CRPPA: variants seen among roughly 807,000 people sequenced by gnomAD.
The protein encoded by CRPPA is CDP-L-ribitol pyrophosphorylase A.
A neutral mutation model predicts 52.0 loss-of-function variants in CRPPA; 43 were observed. The observed-to-expected ratio is 0.83, with a 90% confidence interval of 0.65 to 1.07. CRPPA has a LOEUF of 1.07. CRPPA is among the 50% of genes least tolerant of loss of function. The pLI is 0.00. For missense variants in CRPPA, 629 were observed against 551.7 expected, an observed-to-expected ratio of 1.14 and a Z score of -1.40; for synonymous variants, 250 against 203.5, an observed-to-expected ratio of 1.23 and a Z score of -1.94.
intron 3 of CRPPA, among the ~76,000 whole-genome samples, chr7:16,362,651 G>A (rs1372342561): frequency 6.6e-6 from 1 of 152,154 alleles, no homozygotes; most frequent in Middle Eastern, 3.2e-3. Flanking sequence ...AGGTATGAGA[G>A]AAAGTTATTA....
chr7:16,291,430 G>C (rs1356935735), intron 5 of CRPPA, among the ~76,000 whole-genome samples: 1 of 151,918 alleles, frequency 6.6e-6, no homozygotes, highest in Non-Finnish European at 1.5e-5. Context: ...TCTGTCATTT[G>C]CAGTAACATG....
At chr7:16,326,724 C>T (rs755713094) in intron 3 of CRPPA, among the ~76,000 whole-genome samples, 12 of 152,180 alleles carry the variant, frequency 7.9e-5, no homozygotes, top group Middle Eastern at 3.4e-3. Flanking sequence ...CTCTCTTTTT[C>T]GCCAATAACT....
At chr7:16,333,381 C>T (rs973994140) in intron 3 of CRPPA, among the ~76,000 whole-genome samples, 8 of 152,126 alleles carry the variant, frequency 5.3e-5, no homozygotes, top group African/African-American at 7.2e-5. Flanking sequence ...ATTAAAAACC[C>T]TTTAACAAGT....
At chr7:16,350,360 T>C (rs2128307678) in intron 3 of CRPPA, among the ~76,000 whole-genome samples, 1 of 152,202 alleles carries the variant, frequency 6.6e-6, no homozygotes, top group Non-Finnish European at 1.5e-5. Flanking sequence ...AATACGGTAA[T>C]GGCAATAAGT....
rs555650117 is a variant in CRPPA at position 16,104,895 on chromosome 7, A to G, written c.1252-13096T>C. On this transcript the variant is annotated intron_variant, in intron 9 of 9. Transcript: ENST00000407010. Reference sequence around the variant, plus strand: ...AGCCTGGGCAACAGAGTGAGACTCCATCTCAAAGAAAAAAAAAAAAGAAAA... The same window carrying G: ...AGCCTGGGCAACAGAGTGAGACTCCGTCTCAAAGAAAAAAAAAAAAGAAAA... Among the ~76,000 whole-genome samples, 64 of 147,978 alleles carry G rather than the reference A, an allele frequency of 4.3e-4. No homozygotes were observed. In the South Asian group the frequency reaches 0.013, roughly 29 times the overall value.
intron 9 of CRPPA, among the ~76,000 whole-genome samples, chr7:16,194,625 T>C (rs1262656680): frequency 6.6e-6 from 1 of 152,120 alleles, no homozygotes; most frequent in Non-Finnish European, 1.5e-5. Flanking sequence ...TGTATTATGT[T>C]TTATTTTGCT....
At chr7:16,255,927 G>A (rs1338213378) in intron 8 of CRPPA, among the ~76,000 whole-genome samples, 1 of 152,138 alleles carries the variant, frequency 6.6e-6, no homozygotes, top group African/African-American at 2.4e-5. Flanking sequence ...GGCAACAAAA[G>A]CCAAAATTGA....
At chr7:16,109,721 T>C (rs1387004174) in intron 9 of CRPPA, among the ~76,000 whole-genome samples, 1 of 151,968 alleles carries the variant, frequency 6.6e-6, no homozygotes, top group Non-Finnish European at 1.5e-5. Context: ...TATAATCTCA[T>C]CCAGATGCAA....
intron 3 of CRPPA, among the ~76,000 whole-genome samples, chr7:16,370,576 C>T (rs1467889137): frequency 6.6e-6 from 1 of 152,146 alleles, no homozygotes; most frequent in African/African-American, 2.4e-5. Context: ...GAGGGCACTA[C>T]ATCAAGGAAA....
chr7:16,133,996 A>G lies in CRPPA; in HGVS notation c.1252-42197T>C, dbSNP rs1042229248. ...GCCCAGGCTGGAGTGCAGTGGCGCA[A>G]TCTCGGCTCACTGTAAGCTCCGCTT... On this transcript the variant is annotated intron_variant, in intron 9 of 9. Coordinates refer to ENST00000407010, the MANE Select transcript of CRPPA (RefSeq NM_001101426.4). Among the ~76,000 whole-genome samples the G allele has an allele frequency of 1.6e-5, 2 of 123,446 alleles. 1 individual carries two copies. The highest frequency in any genetic ancestry group is 3.7e-5 in the Non-Finnish European group (2 of 54,330). 81.0% of individuals were successfully genotyped at this position (123,446 alleles called of 152,430 possible). A position where few individuals can be genotyped will look rare whatever the true frequency, so the allele number is the denominator to read the frequency against.
intron 9 of CRPPA, among the ~76,000 whole-genome samples, chr7:16,144,061 T>C (rs1230057852): frequency 6.6e-6 from 1 of 152,000 alleles, no homozygotes; most frequent in African/African-American, 2.4e-5. Flanking sequence ...GGGAAGGAAA[T>C]TCTAGTGGAG....
At chr7:16,116,823 G>A (rs960877700) in intron 9 of CRPPA, among the ~76,000 whole-genome samples, 1 of 152,096 alleles carries the variant, frequency 6.6e-6, no homozygotes, top group African/African-American at 2.4e-5. Flanking sequence ...GCGTATCAGA[G>A]GAACAAGAAC....
intron 9 of CRPPA, among the ~76,000 whole-genome samples, chr7:16,200,024 A>C (rs1175984124): frequency 6.6e-6 from 1 of 151,918 alleles, no homozygotes; most frequent in Non-Finnish European, 1.5e-5. Context: ...CGCCCAGTTA[A>C]TTTTTGTGTT....
chr7:16,327,926 G>C (rs968231998), intron 3 of CRPPA, among the ~76,000 whole-genome samples: 1 of 152,082 alleles, frequency 6.6e-6, no homozygotes, highest in Non-Finnish European at 1.5e-5. Flanking sequence ...CAAAAAGCTA[G>C]AACATAGTCA....
At chr7:16,154,049 A>G (rs1034806085) in intron 9 of CRPPA, among the ~76,000 whole-genome samples, 1 of 150,022 alleles carries the variant, frequency 6.7e-6, no homozygotes, top group African/African-American at 2.5e-5. Context: ...CTCTCAGGTC[A>G]TCTCGTATGG....
chr7:16,309,629 A>G (rs1184290174), intron 3 of CRPPA, among the ~76,000 whole-genome samples: 1 of 151,660 alleles, frequency 6.6e-6, no homozygotes, highest in Non-Finnish European at 1.5e-5. Context: ...TTTTTTTGAG[A>G]CAGAGTTCTT....
intron 8 of CRPPA, among the ~76,000 whole-genome samples, chr7:16,247,012 A>C (rs987930662): frequency 6.6e-6 from 1 of 152,242 alleles, no homozygotes; most frequent in African/African-American, 2.4e-5. Context: ...TTCTTCCAAT[A>C]GAAGGCTGTC....
Position 16,241,970 on chromosome 7 carries a change from T to TTTTTTTTTG in CRPPA, c.1119+16419_1119+16420insCAAAAAAAA, listed in dbSNP as rs1241010922. Among the ~76,000 whole-genome samples the TTTTTTTTTG allele has an allele frequency of 5.8e-3, 610 of 104,780 alleles. 32 individuals are homozygous for TTTTTTTTTG. The highest frequency in any genetic ancestry group is 8.9e-3 in the Non-Finnish European group (477 of 53,500). 68.7% of individuals were successfully genotyped at this position (104,780 alleles called of 152,430 possible). A position where few individuals can be genotyped will look rare whatever the true frequency, so the allele number is the denominator to read the frequency against. The stretch of plus-strand genomic sequence containing the variant: ...TCTTTTTTTTTTTTTTTTTTTTTTG[T>TTTTTTTTTG]TGGGGGGAGATAGAGTCTCGCTCTG... On this transcript the variant is annotated intron_variant, in intron 8 of 9. Transcript: ENST00000407010.
chr7:16,286,080 T>TATATAA (rs1554309866), intron 5 of CRPPA, among the ~76,000 whole-genome samples: 2 of 17,504 alleles, frequency 1.1e-4, no homozygotes, highest in South Asian at 2.2e-3. Flanking sequence ...TATATATATA[T>TATATAA]AATATTTAAA....
Sources: gnomAD v4.1 joint callset for allele counts (sites outside exome capture counted in the v4.1 genomes callset) on GRCh38, gnomAD v4.1.1 for gene constraint, MANE v1.5 for transcripts, NCBI Gene and HGNC (gene_info 2026-07-23, HGNC 2026-07-21) for gene names.